The following CTNNA3 variants were observed in gnomAD, a reference collection of about 807,000 sequenced individuals.
CTNNA3 encodes the protein catenin alpha 3, also known as catenin alpha-3.
CTNNA3 carries 76 observed loss-of-function variants against 95.7 expected under a neutral mutation model. That is an observed-to-expected ratio of 0.79 (90% confidence interval 0.66 to 0.96). CTNNA3 has a LOEUF of 0.96. CTNNA3 is among the 40% of genes least tolerant of loss of function. The pLI is 0.00. For missense variants in CTNNA3, 1,191 were observed against 1,089.8 expected (o/e 1.09, Z -1.31); for synonymous variants, 431 against 374.4 (o/e 1.15, Z -1.74).
chr10:67,710,265 GAAT>G (rs141041030), intron 1 of CTNNA3, among the ~76,000 whole-genome samples: 2,503 of 152,178 alleles, frequency 0.016, 73 homozygotes, highest in African/African-American at 0.057. Context: ...GATGTTAAGA[GAAT>G]AATTCAGATT....
rs573700275 is a variant in CTNNA3, at chr10:67,212,579, A to T, written c.843+7028T>A. ...TTTAATTACTCAAATTTAACTATGA[A>T]GTTTACTGTAGAATTTTACAGAAAC... On this transcript the variant is annotated intron_variant, in intron 6 of 17. Transcript: ENST00000433211. 7.9e-5 allele frequency among the ~76,000 whole-genome samples: 12 copies of T among 152,058 alleles called. No homozygotes were observed. In the East Asian group the frequency reaches 2.3e-3, roughly 29 times the overall value.
intron 5 of CTNNA3, among the ~76,000 whole-genome samples, chr10:67,511,788 AC>A (rs1253718687): frequency 6.6e-5 from 10 of 152,150 alleles, no homozygotes; most frequent in South Asian, 4.1e-4. Flanking sequence ...TCCTCTTTGT[AC>A]CTCTGGTAGA....
At chr10:66,904,237 G>C (rs1211334826) in intron 7 of CTNNA3, among the ~76,000 whole-genome samples, 1 of 152,144 alleles carries the variant, frequency 6.6e-6, no homozygotes, top group African/African-American at 2.4e-5. Flanking sequence ...TCTGATCTTT[G>C]ACAAACCTAA....
intron 10 of CTNNA3, among the ~76,000 whole-genome samples, chr10:66,585,612 T>C (rs1194237900): frequency 1.3e-5 from 2 of 152,180 alleles, no homozygotes; most frequent in African/African-American, 4.8e-5. Flanking sequence ...TAAAAAAAAT[T>C]ATGTTGGTTT....
At chr10:66,466,095 C>T (rs1277688855) in intron 11 of CTNNA3, among the ~76,000 whole-genome samples, 1 of 151,898 alleles carries the variant, frequency 6.6e-6, no homozygotes, top group Admixed American at 6.6e-5. Context: ...GTGAATGAGC[C>T]TCATCCAATA....
At chr10:66,328,453 T>A (rs181478903) in intron 12 of CTNNA3, among the ~76,000 whole-genome samples, 1 of 152,166 alleles carries the variant, frequency 6.6e-6, no homozygotes, top group African/African-American at 2.4e-5. Flanking sequence ...TCTACCATTA[T>A]AAGTCATTCT....
At chr10:67,171,352 T>C (rs1589819656) in intron 7 of CTNNA3, among the ~76,000 whole-genome samples, 1 of 151,900 alleles carries the variant, frequency 6.6e-6, no homozygotes, top group Non-Finnish European at 1.5e-5. Flanking sequence ...AGACAGGCGG[T>C]TCACCTGAGG....
intron 7 of CTNNA3, among the ~76,000 whole-genome samples, chr10:67,100,365 A>G (rs17196483): frequency 0.064 from 9,664 of 151,816 alleles, 370 homozygotes; most frequent in South Asian, 0.19. Flanking sequence ...TAGCAAGAAA[A>G]AAAATGCTGG....
intron 9 of CTNNA3, among the ~76,000 whole-genome samples, chr10:66,690,115 A>G (rs888142902): frequency 4.6e-5 from 7 of 152,162 alleles, no homozygotes; most frequent in Non-Finnish European, 8.8e-5. Context: ...GTATCCCTCA[A>G]AAATAAAGAA....
chr10:67,371,156 G>A (rs895789419), intron 5 of CTNNA3, among the ~76,000 whole-genome samples: 4 of 151,620 alleles, frequency 2.6e-5, no homozygotes, highest in African/African-American at 7.3e-5. Context: ...GTGAGCCACC[G>A]CGCCCGGCCA....
intron 7 of CTNNA3, among the ~76,000 whole-genome samples, chr10:66,849,433 C>G (rs1843399467): frequency 6.6e-6 from 1 of 152,094 alleles, no homozygotes; most frequent in South Asian, 2.1e-4. Flanking sequence ...AATTTTCAAG[C>G]TGGTATAGTA....
At chr10:66,808,866 T>C (rs1841763485) in intron 7 of CTNNA3, among the ~76,000 whole-genome samples, 1 of 152,200 alleles carries the variant, frequency 6.6e-6, no homozygotes. Flanking sequence ...TTTAAAATTA[T>C]GAAAAAATCC....
At chr10:67,587,228 T>C (rs1032920715) in intron 3 of CTNNA3, among the ~76,000 whole-genome samples, 1 of 150,666 alleles carries the variant, frequency 6.6e-6, no homozygotes, top group Admixed American at 6.6e-5. Context: ...TGTGTGTGTG[T>C]GTGTGTGTGT....
intron 5 of CTNNA3, among the ~76,000 whole-genome samples, chr10:67,251,664 G>C (rs1196652830): frequency 6.6e-6 from 1 of 152,114 alleles, no homozygotes; most frequent in African/African-American, 2.4e-5. Context: ...GACGGGGGTT[G>C]GAAAACTGCT....
At chr10:66,611,536 T>C (rs546073092) in intron 10 of CTNNA3, among the ~76,000 whole-genome samples, 7 of 152,244 alleles carry the variant, frequency 4.6e-5, no homozygotes, top group Admixed American at 2.6e-4. Context: ...CACAATTAGG[T>C]TTACTTTTCA....
intron 5 of CTNNA3, among the ~76,000 whole-genome samples, chr10:67,401,976 A>G (rs1383537679): frequency 6.6e-6 from 1 of 152,192 alleles, no homozygotes; most frequent in Non-Finnish European, 1.5e-5. Context: ...AAAGAATACC[A>G]TCCCTCCCAG....
chr10:66,779,422 T>C (rs951767058), intron 7 of CTNNA3, among the ~76,000 whole-genome samples: 13 of 152,160 alleles, frequency 8.5e-5, no homozygotes, highest in African/African-American at 2.9e-4. Context: ...AGTAGTGCCA[T>C]CTCGGCTCAC....
chr10:66,298,990 C>T (rs1004745047), intron 12 of CTNNA3, among the ~76,000 whole-genome samples: 7 of 152,092 alleles, frequency 4.6e-5, no homozygotes, highest in African/African-American at 7.2e-5. Flanking sequence ...GAGATAAATG[C>T]GTATCTGATT....
chr10:66,315,387 A>G (rs2092087019), intron 12 of CTNNA3, among the ~76,000 whole-genome samples: 1 of 152,010 alleles, frequency 6.6e-6, no homozygotes, highest in Non-Finnish European at 1.5e-5. Context: ...ACCATGAAAG[A>G]AAGGTCTTAT....
Sources: allele counts gnomAD v4.1 joint callset (sites outside exome capture counted in the v4.1 genomes callset), GRCh38; gene constraint gnomAD v4.1.1; transcripts MANE v1.5; gene names NCBI Gene and HGNC (gene_info 2026-07-23, HGNC 2026-07-21).